Variants in DNAH17 observed in about 807,000 individuals in gnomAD.
DNAH17 encodes axonemal beta dynein heavy chain 17.
In DNAH17, 376 loss-of-function variants were observed where a neutral mutation model predicts 485.6. That is an observed-to-expected ratio of 0.77 (90% CI 0.71 to 0.84). The LOEUF is 0.84. Among genes scored for constraint, DNAH17 ranks in the 40% least tolerant of loss-of-function variants. DNAH17 has a pLI of 0.00. For synonymous variants in DNAH17, 3,031 were observed against 2,405.9 expected (o/e 1.26, Z -7.60); for missense variants, 6,370 against 5,839.3 (o/e 1.09, Z -2.96).
At chr17:78,495,833 C>T in intron 38 of DNAH17, 42 bp downstream of exon 38, 1 of 1,593,568 alleles carries the variant, frequency 6.3e-7, no homozygotes, top group African/African-American at 1.3e-5. Context: ...CTGTGGCCGG[C>T]CTGGCTCACT....
rs943962659 is a variant in DNAH17 at position 78,571,207 on chromosome 17, C to G, written c.832+72G>C. The G allele has an allele frequency of 1.5e-5, 21 of 1,418,088 alleles. No homozygotes were observed. The African/African-American group carries it at 2.6e-4, about 17-fold the overall frequency. The allele number at this position is 1,418,088 out of a possible 1,614,324, so 87.8% of individuals were successfully genotyped here. A position where few individuals can be genotyped will look rare whatever the true frequency, so the allele number is the denominator to read the frequency against. On this transcript the variant is annotated intron_variant, in intron 5 of 80. Coordinates refer to ENST00000389840, the MANE Select transcript of DNAH17 (RefSeq NM_173628.4). ...GAGGCCAACATCCTAGGGTTGGTGA[C>G]AAGTCTGACCCAGCCCTCCCAGGAG...
chr17:78,573,393 G>A (rs2092387705), intron 2 of DNAH17, among the ~76,000 whole-genome samples: 1 of 152,094 alleles, frequency 6.6e-6, no homozygotes, highest in Non-Finnish European at 1.5e-5. Context: ...GAGGTCAAGA[G>A]TTTGAGACCA....
At chr17:78,510,527 C>T (rs868509483) in intron 26 of DNAH17, 21 bp from the exon 27 acceptor site, 1 of 1,612,962 alleles carries the variant, frequency 6.2e-7, no homozygotes. Context: ...AAAATCCAGG[C>T]AGGATTCATT....
At chr17:78,425,055 T>G (rs2086373465) in intron 80 of DNAH17, 1 of 265,220 alleles carries the variant, frequency 3.8e-6, no homozygotes, top group African/African-American at 2.2e-5. Context: ...GCGCTTTTCA[T>G]CACGTCGGAG....
intron 16 of DNAH17, among the ~76,000 whole-genome samples, chr17:78,544,400 G>A (rs1413155932): frequency 2.0e-5 from 3 of 152,198 alleles, no homozygotes; most frequent in Non-Finnish European, 1.5e-5. Flanking sequence ...GGCCACGTGG[G>A]AGTAAGTCCC....
chr17:78,449,684 T>C, intron 68 of DNAH17, 100 bp from the exon 69 acceptor site: 1 of 1,269,892 alleles, frequency 7.9e-7, no homozygotes, highest in South Asian at 1.4e-5. Flanking sequence ...CTCCAGTTTG[T>C]TTTGTTTCTT....
In DNAH17 at chr17:78,571,266, G is replaced by A. The variant is rs1423825233; in HGVS notation, c.832+13C>T. The A allele has an allele frequency of 6.2e-7, 1 of 1,607,402 alleles. No homozygotes were observed. The highest frequency in any genetic ancestry group is 2.2e-5 in the East Asian group (1 of 44,816). ...AGCTTCGTGCAGAACTCATGACAGG[G>A]TCACAGGCTCACCTTCAGTGACGTT... On this transcript the variant is annotated intron_variant, in intron 5 of 80. Coordinates refer to ENST00000389840, the MANE Select transcript of DNAH17 (RefSeq NM_173628.4).
intron 44 of DNAH17, among the ~76,000 whole-genome samples, chr17:78,486,727 C>T (rs1159283435): frequency 6.6e-6 from 1 of 152,180 alleles, no homozygotes; most frequent in Non-Finnish European, 1.5e-5. Context: ...GGGCTGTGCC[C>T]TCTCTGGGGT....
chr17:78,460,856 G>A (rs1055687075), intron 58 of DNAH17, among the ~76,000 whole-genome samples: 1 of 152,154 alleles, frequency 6.6e-6, no homozygotes, highest in Admixed American at 6.5e-5. Flanking sequence ...TAAGAAAGTA[G>A]CACCTCCTTC....
intron 51 of DNAH17, among the ~76,000 whole-genome samples, chr17:78,478,246 ACCACCATCACCAT>A (rs2089172952): frequency 9.0e-5 from 13 of 143,656 alleles, no homozygotes; most frequent in East Asian, 4.3e-4. Context: ...CACCATCATC[ACCACCATCACCAT>A]TATCATCTCC....
At chr17:78,504,974 T>C (rs1457015214) in intron 31 of DNAH17, among the ~76,000 whole-genome samples, 1 of 136,848 alleles carries the variant, frequency 7.3e-6, no homozygotes, top group Non-Finnish European at 1.5e-5. Flanking sequence ...GGCGCGATCT[T>C]GGCTCACGGC....
At chr17:78,490,611 G>C in intron 44 of DNAH17, 88 bp downstream of exon 44, 1 of 1,486,960 alleles carries the variant, frequency 6.7e-7, no homozygotes, top group Non-Finnish European at 9.0e-7. Flanking sequence ...TGACATGAAT[G>C]ATGAATGAAT....
In DNAH17 at chr17:78,499,083, G is replaced by A; in HGVS notation, c.5670C>T (p.Ala1890=). The change falls in exon 37 of 81, where the codon GCC becomes GCT. Residue 1890 remains alanine (A), a synonymous_variant. Coordinates refer to ENST00000389840, the MANE Select transcript of DNAH17 (RefSeq NM_173628.4). The stretch of plus-strand genomic sequence containing the variant: ...CAAAGCAGCCCCAGGCTCCCGTCTG[G>A]GCCAGGCCCTTGTAGATATTTCCAC... ...KSCGNIYKGL[A]QTGAWGCFDE... 1 of 1,606,580 alleles carries A rather than the reference G, an allele frequency of 6.2e-7. No individual in the cohort carries two copies. Among genetic ancestry groups the A allele is most frequent in the Non-Finnish European group, 8.5e-7 (1 of 1,176,562 alleles).
chr17:78,527,027 T>C (rs1185152419), intron 22 of DNAH17, 31 bp from the exon 23 acceptor site: 1 of 1,492,840 alleles, frequency 6.7e-7, no homozygotes, highest in Non-Finnish European at 9.0e-7. Flanking sequence ...GGAGGGCTCC[T>C]TTCTCATTTC....
At chr17:78,494,455 G>T (rs2089990935) in intron 40 of DNAH17, 138 bp downstream of exon 40, 1 of 1,053,756 alleles carries the variant, frequency 9.5e-7, no homozygotes, top group African/African-American at 1.6e-5. Flanking sequence ...CACGGAGGCA[G>T]CTGTGGCTCA....
At chr17:78,494,901 T>C (rs1315629517) in intron 39 of DNAH17, 58 bp downstream of exon 39, 4 of 1,581,964 alleles carry the variant, frequency 2.5e-6, no homozygotes, top group Non-Finnish European at 3.4e-6. Context: ...CAACCCTGGC[T>C]GCTGCCCGCA....
At chr17:78,541,590 G>A (rs193276801) in intron 17 of DNAH17, among the ~76,000 whole-genome samples, 97 of 152,066 alleles carry the variant, frequency 6.4e-4, no homozygotes, top group Admixed American at 1.1e-3. Context: ...GTAGCCATAC[G>A]TGGTGACAGA....
In DNAH17 at chr17:78,441,157, G is replaced by T; in HGVS notation, c.11571C>A (p.Gly3857=). 6.2e-7 allele frequency: 1 copy of T among 1,613,920 alleles called. No homozygotes were observed. The highest frequency in any genetic ancestry group is 8.5e-7 in the Non-Finnish European group (1 of 1,179,882). The change falls in exon 72 of 81, where the codon GGC becomes GGA. Residue 3857 remains glycine (G), a synonymous_variant. Coordinates refer to ENST00000389840, the MANE Select transcript of DNAH17 (RefSeq NM_173628.4). ...EEKMGSKFVE[G]RSVEFSKSYE... ...AGGACTTAGAAAACTCAACACTCCG[G>T]CCTTCCACGAACTTGCTGCCCATCT...
chr17:78,507,204 T>C, intron 29 of DNAH17, 74 bp downstream of exon 29: 1 of 1,558,620 alleles, frequency 6.4e-7, no homozygotes, highest in Non-Finnish European at 8.8e-7. Context: ...GCACAAGACT[T>C]AAGTTCCGTC....
Sources: allele counts gnomAD v4.1 joint callset (sites outside exome capture counted in the v4.1 genomes callset), GRCh38; gene constraint gnomAD v4.1.1; transcripts MANE v1.5; gene names NCBI Gene and HGNC (gene_info 2026-07-23, HGNC 2026-07-21).